The following PLOD3 variants were observed in gnomAD, a reference collection of about 807,000 sequenced individuals.
PLOD3 encodes procollagen-lysine,2-oxoglutarate 5-dioxygenase 3.
Under a neutral mutation model 96.9 loss-of-function variants are expected in PLOD3, and 73 were observed. The ratio of observed to expected loss-of-function variants is 0.75; its 90% CI spans 0.62 to 0.92. PLOD3 has a LOEUF of 0.92. PLOD3 is among the 40% of genes least tolerant of loss of function. The probability of loss-of-function intolerance (pLI) is 0.00; values close to 1 mark genes in which losing one functional copy is unlikely to be tolerated. For synonymous variants in PLOD3, 454 were observed against 413.7 expected (o/e 1.10, Z -1.18); for missense variants, 1,004 against 1,004.3 (o/e 1.00, Z 0.00).
At chr7:101,212,117 G>T in intron 10 of PLOD3, 136 bp downstream of exon 10, 1 of 1,218,062 alleles carries the variant, frequency 8.2e-7, no homozygotes, top group South Asian at 1.2e-5. Context: ...CAGCATGGGG[G>T]CTGCAAGGAT....
rs1798297984 is a variant in PLOD3 at position 101,217,458 on chromosome 7, G to A, written c.-184C>T. 1.8e-6 allele frequency: 1 copy of A among 541,698 alleles called. No individual in the cohort carries two copies. The highest frequency in any genetic ancestry group is 3.0e-6 in the Non-Finnish European group (1 of 332,080). 33.6% of individuals were successfully genotyped at this position (541,698 alleles called of 1,614,324 possible). ...TATCCGGAGGCTACAGAAAGCTCCA[G>A]ATGCCGGCGCCACAGACAAGGCGAG... On this transcript the variant is annotated 5_prime_UTR_variant, in exon 1 of 19. Coordinates refer to ENST00000223127, the MANE Select transcript of PLOD3 (RefSeq NM_001084.5).
At chr7:101,211,797 CG>C in intron 11 of PLOD3, 48 bp downstream of exon 11, 1 of 1,587,058 alleles carries the variant, frequency 6.3e-7, no homozygotes, top group Non-Finnish European at 8.6e-7. Flanking sequence ...GTGGGGTTCC[CG>C]GGGCCTGTTG....
chr7:101,213,081 G>T, intron 7 of PLOD3, 26 bp downstream of exon 7: 1 of 1,518,476 alleles, frequency 6.6e-7, no homozygotes, highest in Non-Finnish European at 9.1e-7. Context: ...GCAGGGCGGG[G>T]CGGGGGTTGA....
At position 101,217,556 on chromosome 7, in the gene PLOD3, G is replaced by A. The variant is rs758763597; in HGVS notation, c.-282C>T. 6.4e-4 allele frequency: 311 copies of A among 488,992 alleles called. 2 individuals are homozygous for A. Among genetic ancestry groups the A allele is most frequent in the Non-Finnish European group, 8.0e-4 (222 of 277,664 alleles). The allele number at this position is 488,992 out of a possible 1,614,324, so 30.3% of individuals were successfully genotyped here. A position where few individuals can be genotyped will look rare whatever the true frequency, so the allele number is the denominator to read the frequency against. On this transcript the variant is annotated 5_prime_UTR_variant, in exon 1 of 19. Transcript: ENST00000223127. Reference sequence around the variant, plus strand: ...CGGCGGGCGGGAGACAGGGACTCTGGGCTGAGCCAGCCGCTTGACACATGT... The same window carrying A: ...CGGCGGGCGGGAGACAGGGACTCTGAGCTGAGCCAGCCGCTTGACACATGT...
chr7:101,212,031 AGAG>A (rs1798191815), intron 10 of PLOD3, 81 bp from the exon 11 acceptor site: 1 of 1,075,082 alleles, frequency 9.3e-7, no homozygotes, highest in Non-Finnish European at 1.4e-6. Flanking sequence ...CCCCAGGAGA[AGAG>A]GAGGGAGGCA....
At chr7:101,215,213 C>T in intron 5 of PLOD3, 61 bp from the exon 6 acceptor site, 1 of 1,175,940 alleles carries the variant, frequency 8.5e-7, no homozygotes, top group Non-Finnish European at 1.3e-6. Context: ...GACATCATTT[C>T]TCACTTTTCT....
intron 12 of PLOD3, chr7:101,210,927 C>A (rs1258252084): frequency 2.1e-6 from 1 of 486,860 alleles, no homozygotes; most frequent in East Asian, 3.9e-5. Context: ...GTCACCCAGG[C>A]TGGAATGCAG....
chr7:101,210,349 C>T lies in PLOD3; in HGVS notation c.1596G>A (p.Gln532=), dbSNP rs1301749618. Residue 532 remains glutamine, a synonymous_variant, in exon 14 of 19, where the codon CAG becomes CAA. Coordinates refer to ENST00000223127, the MANE Select transcript of PLOD3 (RefSeq NM_001084.5). ...CACTCACGACGGGGTTGTCGAAGAT[C>T]TGCCAGAGGTCGGGGTGCAGGTGCT... ...DTEHLHPDLW[Q]IFDNPVDWKE... is the part of the protein sequence containing the mutation. 1 of 1,614,096 alleles carries T rather than the reference C, an allele frequency of 6.2e-7. No individual in the cohort carries two copies. The highest frequency in any genetic ancestry group is 1.1e-5 in the South Asian group (1 of 91,076).
Position 101,211,588 on chromosome 7 carries a change from C to CAA in PLOD3, c.1358+2_1358+3insTT. 6.3e-7 allele frequency: 1 copy of CAA among 1,598,432 alleles called. No homozygotes were observed. Among genetic ancestry groups the CAA allele is most frequent in the Non-Finnish European group, 8.5e-7 (1 of 1,173,658 alleles). On this transcript the variant is annotated splice_region_variant and intron_variant, in intron 12 of 18. Coordinates refer to ENST00000223127, the MANE Select transcript of PLOD3 (RefSeq NM_001084.5). ...CGGGGGGCTGCAGGCTGGCGGGACT[C>CAA]ACACTCGCTTCCGCTGCACCAGCTC...
intron 16 of PLOD3, chr7:101,208,551 TA>T: frequency 2.7e-6 from 1 of 376,688 alleles, no homozygotes. Context: ...CAAACTCGGC[TA>T]ATTTTTAAAT....
At chr7:101,213,776 G>GC (rs1798226170) in intron 6 of PLOD3, among the ~76,000 whole-genome samples, 1 of 152,082 alleles carries the variant, frequency 6.6e-6, no homozygotes, top group Non-Finnish European at 1.5e-5. Flanking sequence ...TTGGCTCATT[G>GC]CAACTTCCAC....
Position 101,210,152 on chromosome 7 carries a change from C to G in PLOD3, c.1624G>C (p.Glu542Gln), listed in dbSNP as rs1798158425. The G allele has an allele frequency of 6.2e-7, 1 of 1,607,234 alleles. No homozygotes were observed. The highest frequency in any genetic ancestry group is 8.5e-7 in the Non-Finnish European group (1 of 1,176,892). ...QIFDNPVDWK[E>Q]QYIHENYSRA... ...CTGTAGTTCTCGTGGATGTACTGCT[C>G]CTTCCAGTCCTGTGAGAGGGTGGGG... Residue 542 changes from glutamate (E) to glutamine (Q), a missense_variant, in exon 15 of 19, where the codon GAG (glutamate) becomes CAG (glutamine). By Grantham distance (29) the Glu-to-Gln change is conservative. This residue lies in a region of PLOD3 where 65 missense variants were observed against 68.8 expected (regional missense o/e 0.94). Transcript: ENST00000223127.
In PLOD3 at chr7:101,212,669, C is replaced by T. The variant is rs1798205123; in HGVS notation, c.880-14G>A. The T allele has an allele frequency of 6.2e-7, 1 of 1,613,462 alleles. No homozygotes were observed. On this transcript the variant is annotated splice_polypyrimidine_tract_variant and intron_variant, in intron 8 of 18. Coordinates refer to ENST00000223127, the MANE Select transcript of PLOD3 (RefSeq NM_001084.5). ...CCGGGGGGGAGGCTGGAAGATGCAA[C>T]ACGCAGGGACTCAGAGAGAAGCCCG...
chr7:101,217,054 G>A, intron 1 of PLOD3, 112 bp downstream of exon 1: 1 of 1,192,756 alleles, frequency 8.4e-7, no homozygotes, highest in Non-Finnish European at 1.1e-6. Context: ...AGAGCACGCT[G>A]GGCGGGGGAC....
chr7:101,210,496 G>A (rs750626122), intron 13 of PLOD3, 36 bp downstream of exon 13: 2 of 1,613,928 alleles, frequency 1.2e-6, no homozygotes, highest in Non-Finnish European at 8.5e-7. Context: ...GAGTCTGGGG[G>A]ACTGCCCCCA....
In PLOD3 at chr7:101,217,366, C is replaced by T. The variant is rs780226435; in HGVS notation, c.-92G>A. 2 of 1,265,628 alleles carry T rather than the reference C, an allele frequency of 1.6e-6. No individual in the cohort carries two copies. Among genetic ancestry groups the T allele is most frequent in the Non-Finnish European group, 1.0e-6 (1 of 987,222 alleles). 78.4% of individuals were successfully genotyped at this position (1,265,628 alleles called of 1,614,324 possible). On this transcript the variant is annotated 5_prime_UTR_variant, in exon 1 of 19. Transcript: ENST00000223127. ...CCGGAGGGGAGCTCTGGAAAGGGGGCGCTCGGGCTGCTGTGCGGCCGCCGC... is the reference window on the plus strand; with the variant it reads ...CCGGAGGGGAGCTCTGGAAAGGGGGTGCTCGGGCTGCTGTGCGGCCGCCGC...
rs147431346 is a variant in PLOD3, at chr7:101,207,448, C to G, written c.1935+130G>C. On this transcript the variant is annotated intron_variant, in intron 17 of 18. Coordinates refer to ENST00000223127, the MANE Select transcript of PLOD3 (RefSeq NM_001084.5). ...TCCCCTGGGGTGCCTCCTGCAGCGTCTCATTCCCCTGGGAACTAAAATGCA... is the reference window on the plus strand; with the variant it reads ...TCCCCTGGGGTGCCTCCTGCAGCGTGTCATTCCCCTGGGAACTAAAATGCA... The G allele has an allele frequency of 1.9e-4, 185 of 990,216 alleles. 1 individual carries two copies. In the African/African-American group the frequency reaches 2.3e-3, roughly 13 times the overall value. The allele number at this position is 990,216 out of a possible 1,614,324, so 61.3% of individuals were successfully genotyped here.
At position 101,206,172 on chromosome 7, in the gene PLOD3, A is replaced by C. The variant is rs74786672; in HGVS notation, c.*109T>G. The C allele has an allele frequency of 9.2e-3, 10,419 of 1,129,430 alleles. 203 individuals carry two copies. Among genetic ancestry groups the C allele is most frequent in the East Asian group, 0.079 (3,385 of 42,706 alleles). 70.0% of individuals were successfully genotyped at this position (1,129,430 alleles called of 1,614,324 possible). On this transcript the variant is annotated 3_prime_UTR_variant, in exon 19 of 19. Coordinates refer to ENST00000223127, the MANE Select transcript of PLOD3 (RefSeq NM_001084.5). ...ATTCAGTTCAGGCACGCGGAACATG[A>C]ACTCAGGAAGTGGGGAGACAGAGAG...
intron 5 of PLOD3, 39 bp downstream of exon 5, chr7:101,215,869 C>G (rs761370376): frequency 1.6e-5 from 22 of 1,406,988 alleles, no homozygotes; most frequent in South Asian, 8.1e-5. Context: ...TCCACTCCCA[C>G]AGAGCTGCGG....
Sources: allele counts gnomAD v4.1 joint callset (sites outside exome capture counted in the v4.1 genomes callset), GRCh38; gene constraint gnomAD v4.1.1; regional missense constraint gnomAD v4.1.1; transcripts MANE v1.5; gene names NCBI Gene and HGNC (gene_info 2026-07-23, HGNC 2026-07-21).